Variants in FKBP3 observed in about 807,000 individuals in gnomAD.
The protein encoded by FKBP3 is FKBP prolyl isomerase 3.
FKBP3 carries 21 observed loss-of-function variants against 30.6 expected under a neutral mutation model. That is an observed-to-expected ratio of 0.69 (90% CI 0.49 to 0.99). FKBP3 has a LOEUF of 0.99. FKBP3 is among the 50% of genes least tolerant of loss of function. The pLI, the probability that FKBP3 is intolerant of heterozygous loss-of-function variation, is 0.00. For synonymous variants in FKBP3, 82 were observed against 91.3 expected, an observed-to-expected ratio of 0.90 and a Z score of 0.58; for missense variants, 283 against 261.6, an observed-to-expected ratio of 1.08 and a Z score of -0.56.
At chr14:45,124,941 G>A (rs1037793382) in intron 3 of FKBP3, among the ~76,000 whole-genome samples, 6 of 152,046 alleles carry the variant, frequency 3.9e-5, no homozygotes, top group South Asian at 2.1e-4. Context: ...TTCTGAGACC[G>A]AGTCTCACTC....
chr14:45,116,907 G>C (rs1218808734), intron 6 of FKBP3, among the ~76,000 whole-genome samples: 1 of 151,890 alleles, frequency 6.6e-6, no homozygotes, highest in Non-Finnish European at 1.5e-5. Context: ...TAATTTATAT[G>C]TGCATCAGAT....
intron 3 of FKBP3, 69 bp downstream of exon 3, chr14:45,129,725 A>T: frequency 1.0e-6 from 1 of 1,000,154 alleles, no homozygotes; most frequent in Non-Finnish European, 1.4e-6. Flanking sequence ...AAGTTAGTGC[A>T]AATAATAAAG....
chr14:45,118,629 T>C (rs1566703032), intron 5 of FKBP3, among the ~76,000 whole-genome samples: 3 of 151,956 alleles, frequency 2.0e-5, no homozygotes, highest in African/African-American at 7.2e-5. Flanking sequence ...AGACTCCTTC[T>C]CAAACAAACA....
At chr14:45,133,063 A>C (rs1239133989) in intron 1 of FKBP3, among the ~76,000 whole-genome samples, 7 of 152,244 alleles carry the variant, frequency 4.6e-5, no homozygotes, top group Non-Finnish European at 1.0e-4. Context: ...CTGCTAAATT[A>C]ATCTAAGATG....
chr14:45,118,737 T>A (rs555359438), intron 5 of FKBP3, among the ~76,000 whole-genome samples: 5 of 152,344 alleles, frequency 3.3e-5, no homozygotes, highest in African/African-American at 1.2e-4. Context: ...GCAACACTTT[T>A]ACATCACAGG....
intron 1 of FKBP3, among the ~76,000 whole-genome samples, chr14:45,132,154 T>A (rs1377151026): frequency 1.3e-5 from 2 of 152,244 alleles, no homozygotes; most frequent in Non-Finnish European, 2.9e-5. Context: ...GCTAACACTA[T>A]CACTATTGTA....
At chr14:45,124,898 A>T (rs1180489244) in intron 3 of FKBP3, among the ~76,000 whole-genome samples, 1 of 152,178 alleles carries the variant, frequency 6.6e-6, no homozygotes, top group African/African-American at 2.4e-5. Flanking sequence ...GAGAAGTTAC[A>T]GAATCGGATC....
At chr14:45,120,032 G>GT (rs1215539326) in intron 5 of FKBP3, among the ~76,000 whole-genome samples, 2 of 152,082 alleles carry the variant, frequency 1.3e-5, no homozygotes, top group Admixed American at 6.5e-5. Context: ...TAAACCTTTA[G>GT]TTTTAAGATG....
intron 3 of FKBP3, among the ~76,000 whole-genome samples, chr14:45,124,216 A>C (rs1355567378): frequency 6.6e-6 from 1 of 152,090 alleles, no homozygotes; most frequent in Non-Finnish European, 1.5e-5. Flanking sequence ...TTCTCAGTAG[A>C]GCAGGTGCAT....
chr14:45,123,125 G>A (rs140331847), intron 3 of FKBP3, among the ~76,000 whole-genome samples: 2,843 of 151,262 alleles, frequency 0.019, 33 homozygotes, highest in African/African-American at 0.038. Context: ...TCCAGGAGGC[G>A]GAGGTTGCAG....
intron 3 of FKBP3, among the ~76,000 whole-genome samples, chr14:45,122,458 C>T (rs766364923): frequency 2.6e-5 from 4 of 152,076 alleles, no homozygotes; most frequent in Non-Finnish European, 4.4e-5. Flanking sequence ...CTATTAGTTC[C>T]TGAGTTTGAA....
At chr14:45,130,414 C>T (rs908993134) in intron 2 of FKBP3, among the ~76,000 whole-genome samples, 17 of 152,128 alleles carry the variant, frequency 1.1e-4, no homozygotes, top group Admixed American at 2.6e-4. Context: ...TAAAGTAATA[C>T]GGTAATACCA....
chr14:45,124,102 T>C (rs759517418), intron 3 of FKBP3, among the ~76,000 whole-genome samples: 4 of 152,180 alleles, frequency 2.6e-5, no homozygotes, highest in Non-Finnish European at 5.9e-5. Flanking sequence ...AATTACTGCT[T>C]ATAGTTTTGT....
intron 5 of FKBP3, among the ~76,000 whole-genome samples, chr14:45,119,710 T>TG (rs1469423298): frequency 1.3e-5 from 2 of 149,184 alleles, no homozygotes; most frequent in African/African-American, 4.9e-5. Context: ...TTTTTTGAGA[T>TG]GGAGTCTTGC....
intron 2 of FKBP3, 71 bp downstream of exon 2, chr14:45,130,628 A>AT (rs1447630311): frequency 1.1e-6 from 1 of 938,514 alleles, no homozygotes; most frequent in Non-Finnish European, 1.6e-6. Flanking sequence ...AAATCAATGC[A>AT]TTTTAAACAT....
chr14:45,129,593 A>ATAAC (rs1885171981), intron 3 of FKBP3, among the ~76,000 whole-genome samples: 1 of 152,210 alleles, frequency 6.6e-6, no homozygotes. Context: ...GAATAGGCTA[A>ATAAC]TAACTGTAAA....
chr14:45,121,915 A>C (rs1048365810), intron 3 of FKBP3, among the ~76,000 whole-genome samples: 1 of 152,176 alleles, frequency 6.6e-6, no homozygotes, highest in Non-Finnish European at 1.5e-5. Flanking sequence ...TTATTTCCTA[A>C]AGTTAAAAAA....
At chr14:45,117,047 C>T (rs1280825005) in intron 6 of FKBP3, among the ~76,000 whole-genome samples, 1 of 151,820 alleles carries the variant, frequency 6.6e-6, no homozygotes, top group African/African-American at 2.4e-5. Flanking sequence ...TCACAGCTCA[C>T]TGCAACGTCT....
chr14:45,115,947 A>T lies in FKBP3; in HGVS notation c.*251T>A, dbSNP rs573122852. On this transcript the variant is annotated 3_prime_UTR_variant, in exon 7 of 7. Coordinates refer to ENST00000396062, the MANE Select transcript of FKBP3 (RefSeq NM_002013.4). The stretch of plus-strand genomic sequence containing the variant: ...TTATTGAGCCACTTAAGTTTACAAC[A>T]TGAGGTAAAAGGAAAAAGTTCTCCT... 1.2e-5 allele frequency: 5 copies of T among 421,462 alleles called. No homozygotes were observed. The highest frequency in any genetic ancestry group is 9.8e-5 in the African/African-American group (5 of 50,944). The allele number at this position is 421,462 out of a possible 1,614,324, so 26.1% of individuals were successfully genotyped here.
Sources: gnomAD v4.1 joint callset for allele counts (sites outside exome capture counted in the v4.1 genomes callset) on GRCh38, gnomAD v4.1.1 for gene constraint, MANE v1.5 for transcripts, NCBI Gene and HGNC (gene_info 2026-07-23, HGNC 2026-07-21) for gene names.